Variants in ARHGEF38 observed in about 807,000 individuals in gnomAD.
ARHGEF38 encodes Rho guanine nucleotide exchange factor 38, also known as Rho guanine nucleotide exchange factor (GEF) 38.
ARHGEF38 carries 79 observed loss-of-function variants against 79.9 expected under a neutral mutation model. The observed-to-expected ratio is 0.99, with a 90% CI of 0.82 to 1.19. ARHGEF38 has a LOEUF of 1.19. ARHGEF38 is among the 50% of genes most tolerant of loss of function. ARHGEF38 has a pLI of 0.00. For missense variants in ARHGEF38, 962 were observed against 907.2 expected (o/e 1.06, Z -0.78); for synonymous variants, 366 against 328.3 (o/e 1.11, Z -1.24).
In ARHGEF38 at chr4:105,571,633, T is replaced by C. The variant is rs189819775; in HGVS notation, c.197-17615T>C. Among the ~76,000 whole-genome samples, 326 of 152,290 alleles carry C rather than the reference T, an allele frequency of 2.1e-3. 2 individuals are homozygous for C. The highest frequency in any genetic ancestry group is 1.5e-3 in the Non-Finnish European group (104 of 68,010). On this transcript the variant is annotated intron_variant, in intron 1 of 13. Transcript: ENST00000420470. The stretch of plus-strand genomic sequence containing the variant: ...CCACCGCGCCCTGCCTGCTCATGCC[T>C]CTTCAGGAAGATTTTTGATATTTTG...
intron 2 of ARHGEF38, 136 bp downstream of exon 2, chr4:105,589,571 G>T (rs1458793304): frequency 6.5e-6 from 5 of 770,458 alleles, no homozygotes; most frequent in Non-Finnish European, 9.9e-6. Context: ...CTCAGCTCTG[G>T]GGTTACAGTT....
At chr4:105,633,790 C>T in intron 4 of ARHGEF38, among the ~76,000 whole-genome samples, 1 of 152,076 alleles carries the variant, frequency 6.6e-6, no homozygotes, top group East Asian at 1.9e-4. Flanking sequence ...GGAACACAAA[C>T]CCTAGTTGAG....
intron 2 of ARHGEF38, among the ~76,000 whole-genome samples, chr4:105,601,334 C>G (rs925196372): frequency 1.3e-5 from 2 of 152,152 alleles, no homozygotes; most frequent in African/African-American, 4.8e-5. Flanking sequence ...TCATGTCCGT[C>G]AAGACTTTAC....
In ARHGEF38 at chr4:105,660,149, G is replaced by A. The variant is rs763279241; in HGVS notation, c.1545+784G>A. Among the ~76,000 whole-genome samples the A allele has an allele frequency of 3.9e-5, 6 of 151,944 alleles. No individual in the cohort carries two copies. The South Asian group carries it at 8.3e-4, about 21-fold the overall frequency. ...TTGAATTAAATTAAATTGAATAAAC[G>A]AGGGCTATGTTTACAGGGTTCAAAA... On this transcript the variant is annotated intron_variant, in intron 10 of 13. Transcript: ENST00000420470.
At chr4:105,578,152 T>C (rs199317) in intron 1 of ARHGEF38, among the ~76,000 whole-genome samples, 131,115 of 152,204 alleles carry the variant, frequency 0.86, 56,544 homozygotes, top group South Asian at 0.93. Flanking sequence ...AAAGAATACT[T>C]AAATTTCTAT....
At chr4:105,619,536 A>T (rs925964164) in intron 3 of ARHGEF38, among the ~76,000 whole-genome samples, 3 of 152,118 alleles carry the variant, frequency 2.0e-5, no homozygotes, top group African/African-American at 7.2e-5. Context: ...TAACTAATAC[A>T]GATTAACAGG....
intron 4 of ARHGEF38, chr4:105,633,210 G>GA (rs1371527327): frequency 6.6e-6 from 1 of 152,184 alleles, no homozygotes; most frequent in Non-Finnish European, 1.5e-5. Flanking sequence ...TTAAGGGAAA[G>GA]AAAATCAAAT....
In ARHGEF38 at chr4:105,679,902, T is replaced by C. The variant is rs190351725; in HGVS notation, c.*1965T>C. 5.7e-5 allele frequency: 82 copies of C among 1,432,276 alleles called. No individual in the cohort carries two copies. In the Admixed American group the frequency reaches 7.8e-4, roughly 14 times the overall value. The allele number at this position is 1,432,276 out of a possible 1,614,324, so 88.7% of individuals were successfully genotyped here. ...TCCAAACCACGAGGAGCCACATTGG[T>C]TGCCACCAAAACTTTATAATTACCT... On this transcript the variant is annotated 3_prime_UTR_variant, in exon 14 of 14. Coordinates refer to ENST00000420470, the MANE Select transcript of ARHGEF38 (RefSeq NM_001242729.2).
At chr4:105,631,647 A>C (rs1277434908) in intron 4 of ARHGEF38, 1 of 984,558 alleles carries the variant, frequency 1.0e-6, no homozygotes, top group African/African-American at 1.7e-5. Flanking sequence ...AATATAACAA[A>C]GTATGTGTAA....
chr4:105,564,317 T>C (rs11097894), intron 1 of ARHGEF38, among the ~76,000 whole-genome samples: 95,002 of 152,068 alleles, frequency 0.62, 31,545 homozygotes, highest in East Asian at 0.92. Flanking sequence ...ACTGACACAA[T>C]AAAAACATTT....
intron 2 of ARHGEF38, among the ~76,000 whole-genome samples, chr4:105,610,650 A>G (rs1333414191): frequency 7.2e-5 from 11 of 152,086 alleles, no homozygotes. Flanking sequence ...AATTCATTTT[A>G]TGATTCACAG....
chr4:105,643,634 G>A (rs1729711894), intron 5 of ARHGEF38, among the ~76,000 whole-genome samples: 1 of 152,062 alleles, frequency 6.6e-6, no homozygotes, highest in African/African-American at 2.4e-5. Flanking sequence ...AGAGAATACT[G>A]TATGCCATGC....
At chr4:105,648,848 T>TTTCTC (rs1560746674) in intron 7 of ARHGEF38, among the ~76,000 whole-genome samples, 166 bp downstream of exon 7, 1 of 108,618 alleles carries the variant, frequency 9.2e-6, no homozygotes, top group Non-Finnish European at 1.7e-5. Context: ...CTCTCTCTCT[T>TTTCTC]TCTCTCTCTC....
chr4:105,580,593 T>C (rs907194953), intron 1 of ARHGEF38, among the ~76,000 whole-genome samples: 1 of 152,214 alleles, frequency 6.6e-6, no homozygotes, highest in Non-Finnish European at 1.5e-5. Context: ...GTTGGCAAAA[T>C]TTCAAGGATT....
At chr4:105,614,827 TG>T (rs1560722813) in intron 3 of ARHGEF38, among the ~76,000 whole-genome samples, 1 of 152,174 alleles carries the variant, frequency 6.6e-6, no homozygotes, top group Non-Finnish European at 1.5e-5. Context: ...CCACATTGCT[TG>T]GTATCAAAAG....
At chr4:105,561,429 A>AATGGAATGGAATGGAATGGAATGGAATG (rs1560684337) in intron 1 of ARHGEF38, among the ~76,000 whole-genome samples, 3 of 47,152 alleles carry the variant, frequency 6.4e-5, no homozygotes, top group Admixed American at 2.6e-4. Flanking sequence ...AGAATGGAAT[A>AATGGAATGGAATGGAATGGAATGGAATG]GAATAGAATA....
At chr4:105,565,358 A>T (rs1200961464) in intron 1 of ARHGEF38, among the ~76,000 whole-genome samples, 1 of 152,126 alleles carries the variant, frequency 6.6e-6, no homozygotes, top group Admixed American at 6.6e-5. Flanking sequence ...TGTGGGTCAG[A>T]TTTCCATTGA....
At chr4:105,632,125 G>C (rs921958231) in intron 4 of ARHGEF38, among the ~76,000 whole-genome samples, 1 of 152,120 alleles carries the variant, frequency 6.6e-6, no homozygotes, top group African/African-American at 2.4e-5. Flanking sequence ...GCGTTTCCCG[G>C]CTAGAATTGG....
intron 1 of ARHGEF38, among the ~76,000 whole-genome samples, chr4:105,568,961 A>C (rs1436811617): frequency 6.6e-6 from 1 of 152,234 alleles, no homozygotes; most frequent in Non-Finnish European, 1.5e-5. Context: ...TATTCACTAC[A>C]ACTATTCTTT....
Sources: allele counts gnomAD v4.1 joint callset (sites outside exome capture counted in the v4.1 genomes callset), GRCh38; gene constraint gnomAD v4.1.1; transcripts MANE v1.5; gene names NCBI Gene and HGNC (gene_info 2026-07-23, HGNC 2026-07-21).